The following RFC3 variants were observed in gnomAD, a reference collection of about 807,000 sequenced individuals.
RFC3 encodes the protein replication factor C subunit 3, also known as A1 38 kDa subunit.
RFC3 carries 41 observed loss-of-function variants against 45.1 expected under a neutral mutation model. That is an observed-to-expected ratio of 0.91 (90% CI 0.71 to 1.18). RFC3 has a LOEUF of 1.18. Among genes scored for constraint, RFC3 ranks in the 50% most tolerant of loss-of-function variants. The pLI is 0.00. For synonymous variants in RFC3, 149 were observed against 144.0 expected (o/e 1.03, Z -0.25); for missense variants, 423 against 428.1 (o/e 0.99, Z 0.10).
At chr13:33,823,683 A>C (rs2082023889) in intron 2 of RFC3, among the ~76,000 whole-genome samples, 1 of 152,116 alleles carries the variant, frequency 6.6e-6, no homozygotes, top group Non-Finnish European at 1.5e-5. Flanking sequence ...ATTTCTGGAG[A>C]TAAGGAAAAG....
intron 8 of RFC3, among the ~76,000 whole-genome samples, chr13:33,864,312 G>A: frequency 6.6e-6 from 1 of 152,158 alleles, no homozygotes; most frequent in Non-Finnish European, 1.5e-5. Context: ...AATGAGATTT[G>A]GAGGGGACAA....
At chr13:33,934,222 A>C (rs1393708971) in intron 8 of RFC3, among the ~76,000 whole-genome samples, 1 of 151,868 alleles carries the variant, frequency 6.6e-6, no homozygotes, top group Non-Finnish European at 1.5e-5. Context: ...AGTTCCAGCT[A>C]CTTGGGAGTC....
In RFC3 at chr13:33,818,215, T is replaced by C. The variant is rs1284104700; in HGVS notation, c.37T>C (p.Leu13=). The change falls in exon 1 of 9, where the codon TTG becomes CTG. Residue 13 remains leucine, a synonymous_variant. Coordinates refer to ENST00000380071, the MANE Select transcript of RFC3 (RefSeq NM_002915.4). ...GGTGGACAAGTATCGGCCCTGCTCC[T>C]TGGGACGGCTGGACTATCACAAGGA... ...LWVDKYRPCS[L]GRLDYHKEQA... is the part of the protein sequence containing the mutation. 1 of 1,613,640 alleles carries C rather than the reference T, an allele frequency of 6.2e-7. No homozygotes were observed. The highest frequency in any genetic ancestry group is 1.1e-5 in the South Asian group (1 of 91,072).
intron 8 of RFC3, among the ~76,000 whole-genome samples, chr13:33,961,480 G>A: frequency 6.6e-6 from 1 of 152,126 alleles, no homozygotes; most frequent in East Asian, 1.9e-4. Context: ...CCTAGAAACA[G>A]AAATAGAATA....
At chr13:33,863,232 CAA>C (rs1251770955) in intron 8 of RFC3, among the ~76,000 whole-genome samples, 3 of 152,054 alleles carry the variant, frequency 2.0e-5, no homozygotes, top group Non-Finnish European at 2.9e-5. Context: ...CATATATACA[CAA>C]TGCACATATG....
chr13:33,948,657 G>A (rs2082969713), intron 8 of RFC3, among the ~76,000 whole-genome samples: 1 of 152,218 alleles, frequency 6.6e-6, no homozygotes, highest in African/African-American at 2.4e-5. Flanking sequence ...AAGCCACAAG[G>A]GTGGAGCTGC....
At chr13:33,919,398 C>A (rs1188526267) in intron 8 of RFC3, among the ~76,000 whole-genome samples, 2 of 151,800 alleles carry the variant, frequency 1.3e-5, no homozygotes, top group Admixed American at 1.3e-4. Flanking sequence ...GTGATTATTT[C>A]TTTGGCTGAT....
chr13:33,909,513 C>G (rs978195775), intron 8 of RFC3, among the ~76,000 whole-genome samples: 10 of 152,006 alleles, frequency 6.6e-5, no homozygotes, highest in Non-Finnish European at 1.5e-4. Flanking sequence ...TTTTCTCACT[C>G]CTTGTCTTAT....
Position 33,826,741 on chromosome 13 carries a change from A to G in RFC3, c.391+855A>G, listed in dbSNP as rs906871541. Among the ~76,000 whole-genome samples, 13 of 152,014 alleles carry G rather than the reference A, an allele frequency of 8.6e-5. 1 individual carries two copies. The highest frequency in any genetic ancestry group is 7.2e-4 in the Admixed American group (11 of 15,254). ...TTACTGTTTTTAATTGTATTTTGGTAGTTTGAGTTTTTTTAGATGTATATT... is the reference window on the plus strand; with the variant it reads ...TTACTGTTTTTAATTGTATTTTGGTGGTTTGAGTTTTTTTAGATGTATATT... On this transcript the variant is annotated intron_variant, in intron 4 of 8. Coordinates refer to ENST00000380071, the MANE Select transcript of RFC3 (RefSeq NM_002915.4).
chr13:33,823,910 TC>T lies in RFC3; in HGVS notation c.226-5del. 6.8e-7 allele frequency: 1 copy of T among 1,466,930 alleles called. No homozygotes were observed. The highest frequency in any genetic ancestry group is 9.4e-7 in the Non-Finnish European group (1 of 1,063,650). 90.9% of individuals were successfully genotyped at this position (1,466,930 alleles called of 1,614,324 possible). A position where few individuals can be genotyped will look rare whatever the true frequency, so the allele number is the denominator to read the frequency against. ...AATGTTAAAAATATCTTTTTCTTTG[TC>T]CACAGACTCCATCTAAAAAAAAAAT... is the stretch of plus-strand genomic sequence containing the variant. On this transcript the variant is annotated splice_region_variant and splice_polypyrimidine_tract_variant and intron_variant, in intron 2 of 8. Coordinates refer to ENST00000380071, the MANE Select transcript of RFC3 (RefSeq NM_002915.4).
chr13:33,830,636 TA>T, intron 5 of RFC3, 82 bp from the exon 6 acceptor site: 1 of 1,106,586 alleles, frequency 9.0e-7, no homozygotes. Flanking sequence ...AATACAGTTA[TA>T]AGGGTCTAGG....
At chr13:33,858,826 T>G (rs2082323224) in intron 8 of RFC3, among the ~76,000 whole-genome samples, 1 of 152,220 alleles carries the variant, frequency 6.6e-6, no homozygotes, top group Admixed American at 6.5e-5. Context: ...TGGTAGGCTT[T>G]CAAAGATTAG....
chr13:33,832,067 C>T (rs1238025596), intron 7 of RFC3, among the ~76,000 whole-genome samples: 1 of 152,138 alleles, frequency 6.6e-6, no homozygotes, highest in Non-Finnish European at 1.5e-5. Flanking sequence ...TGTAGGTTGA[C>T]CATTCTGAAA....
intron 8 of RFC3, among the ~76,000 whole-genome samples, chr13:33,951,024 C>A (rs1198182286): frequency 3.3e-5 from 5 of 150,048 alleles, no homozygotes; most frequent in Non-Finnish European, 5.9e-5. Context: ...ATGTCTCCAG[C>A]CCACTCTGAT....
chr13:33,857,871 G>C (rs932945448), intron 8 of RFC3, among the ~76,000 whole-genome samples: 1 of 152,156 alleles, frequency 6.6e-6, no homozygotes, highest in Non-Finnish European at 1.5e-5. Context: ...CTTAAGGACA[G>C]CATGAAGAGA....
chr13:33,852,800 G>T (rs2082284704), intron 8 of RFC3, among the ~76,000 whole-genome samples: 1 of 152,166 alleles, frequency 6.6e-6, no homozygotes, highest in Admixed American at 6.5e-5. Context: ...CTGTCATGAG[G>T]AATTTTAAGC....
At chr13:33,877,754 A>G (rs2082457888) in intron 8 of RFC3, among the ~76,000 whole-genome samples, 2 of 148,384 alleles carry the variant, frequency 1.3e-5, no homozygotes, top group South Asian at 4.2e-4. Flanking sequence ...AATTTTTTAA[A>G]TTCCGAGATT....
chr13:33,965,976 A>G (rs1757920500), intron 8 of RFC3: 1 of 748,894 alleles, frequency 1.3e-6, no homozygotes, highest in Non-Finnish European at 2.3e-6. Context: ...CTTGCTCCTG[A>G]GCCTTAAATT....
intron 8 of RFC3, among the ~76,000 whole-genome samples, chr13:33,863,713 G>A (rs930074531): frequency 2.0e-5 from 3 of 152,104 alleles, no homozygotes; most frequent in Non-Finnish European, 2.9e-5. Context: ...CCATGAAACC[G>A]CTAAGTCCTT....
Sources: gnomAD v4.1 joint callset for allele counts (sites outside exome capture counted in the v4.1 genomes callset) on GRCh38, gnomAD v4.1.1 for gene constraint, MANE v1.5 for transcripts, NCBI Gene and HGNC (gene_info 2026-07-23, HGNC 2026-07-21) for gene names.